The following RNLS variants were observed in gnomAD, a reference collection of about 807,000 sequenced individuals.
The protein encoded by RNLS is renalase.
Under a neutral mutation model 39.8 loss-of-function variants are expected in RNLS, and 39 were observed. The ratio of observed to expected loss-of-function variants is 0.98; its 90% CI spans 0.76 to 1.28. RNLS has a LOEUF of 1.28. Ranked by LOEUF, RNLS falls within the 50% of genes most tolerant of loss-of-function variation. The pLI, the probability that RNLS is intolerant of heterozygous loss-of-function variation, is 0.00. For missense variants in RNLS, 410 were observed against 413.3 expected (o/e 0.99, Z 0.07); for synonymous variants, 147 against 150.7 (o/e 0.98, Z 0.18).
At chr10:88,177,152 A>G in the RNLS span, among the ~76,000 whole-genome samples, 1 of 152,130 alleles carries the variant, frequency 6.6e-6, no homozygotes, top group African/African-American at 2.4e-5. Context: ...GTTTTCAGCT[A>G]TTATTTTATT....
intron 4 of RNLS, among the ~76,000 whole-genome samples, chr10:88,479,559 T>TATC (rs144311412): frequency 1.2e-3 from 189 of 151,862 alleles, no homozygotes; most frequent in African/African-American, 3.7e-3. Flanking sequence ...GAAATATCAG[T>TATC]ATCATCATCA....
the RNLS span, among the ~76,000 whole-genome samples, chr10:88,189,877 G>A: frequency 6.6e-6 from 1 of 152,194 alleles, no homozygotes; most frequent in Non-Finnish European, 1.5e-5. Flanking sequence ...TCCATTCTCT[G>A]CACCTTTACA....
intron 4 of RNLS, among the ~76,000 whole-genome samples, chr10:88,542,372 AC>A (rs2134289776): frequency 6.7e-6 from 1 of 150,256 alleles, no homozygotes; most frequent in East Asian, 1.9e-4. Flanking sequence ...CATTAAGTGC[AC>A]TTGAAAAAAT....
At chr10:88,202,228 CATA>C in the RNLS span, among the ~76,000 whole-genome samples, 6 of 141,186 alleles carry the variant, frequency 4.2e-5, no homozygotes, top group Admixed American at 8.0e-5. Flanking sequence ...TGTTCGCACT[CATA>C]GGTGGGAATT....
At chr10:88,208,229 C>G in the RNLS span, among the ~76,000 whole-genome samples, 44 of 152,168 alleles carry the variant, frequency 2.9e-4, no homozygotes, top group African/African-American at 1.0e-3. Flanking sequence ...GCCTTTAAGT[C>G]CTTCTGTCCT....
chr10:88,353,796 A>T (rs1025360374), intron 5 of RNLS, among the ~76,000 whole-genome samples: 11 of 152,114 alleles, frequency 7.2e-5, no homozygotes, highest in Non-Finnish European at 1.6e-4. Flanking sequence ...GATCTATCTG[A>T]TGTTGACAAT....
At chr10:88,358,717 A>G (rs990271526) in intron 5 of RNLS, among the ~76,000 whole-genome samples, 1 of 152,188 alleles carries the variant, frequency 6.6e-6, no homozygotes, top group Non-Finnish European at 1.5e-5. Context: ...CCCTCTGCCT[A>G]AGGAAATTTT....
At chr10:88,544,854 A>G (rs1023895288) in intron 4 of RNLS, among the ~76,000 whole-genome samples, 6 of 152,176 alleles carry the variant, frequency 3.9e-5, no homozygotes, top group African/African-American at 1.4e-4. Flanking sequence ...CATATAGCAG[A>G]TAAAGGTTTG....
chr10:88,501,977 G>C (rs953252442), intron 4 of RNLS, among the ~76,000 whole-genome samples: 4 of 151,948 alleles, frequency 2.6e-5, no homozygotes, highest in Non-Finnish European at 5.9e-5. Flanking sequence ...TGTCTCCTCT[G>C]TTAGTTTACA....
At position 88,551,535 on chromosome 10, in the gene RNLS, T is replaced by C. The variant is rs1472375942; in HGVS notation, c.526+21368A>G. The stretch of plus-strand genomic sequence containing the variant: ...CATTGGGCATATGGATTTGAATTGG[T>C]GCTCAAGTGAAAACTTCTACTGCTC... On this transcript the variant is annotated intron_variant, in intron 4 of 6. Transcript: ENST00000331772. Among the ~76,000 whole-genome samples the C allele has an allele frequency of 2.0e-5, 3 of 152,226 alleles. 1 individual carries two copies. Among genetic ancestry groups the C allele is most frequent in the South Asian group, 4.1e-4 (2 of 4,832 alleles).
intron 4 of RNLS, among the ~76,000 whole-genome samples, chr10:88,532,883 G>A (rs898689750): frequency 1.2e-4 from 18 of 151,962 alleles, no homozygotes; most frequent in African/African-American, 4.1e-4. Context: ...CTTAAGAAGG[G>A]ACTAAGGACT....
intron 4 of RNLS, among the ~76,000 whole-genome samples, chr10:88,481,828 T>C (rs1844192864): frequency 6.6e-6 from 1 of 152,180 alleles, no homozygotes; most frequent in Non-Finnish European, 1.5e-5. Context: ...TTGGTGTCAC[T>C]TACTTTTAGC....
chr10:88,458,237 G>A (rs1842747818), intron 4 of RNLS, among the ~76,000 whole-genome samples: 2 of 152,148 alleles, frequency 1.3e-5, no homozygotes, highest in African/African-American at 2.4e-5. Context: ...ACTAGGTAGT[G>A]CCACATCCAT....
At chr10:88,452,085 G>A (rs934666553) in intron 4 of RNLS, among the ~76,000 whole-genome samples, 1 of 152,210 alleles carries the variant, frequency 6.6e-6, no homozygotes, top group African/African-American at 2.4e-5. Context: ...TGGAGGTTAA[G>A]CAATACAGTA....
rs78147033 is a variant in RNLS, at chr10:88,274,691, C to T, written c.*270G>A. 3,853 of 357,106 alleles carry T rather than the reference C, an allele frequency of 0.011. 145 individuals are homozygous for T. The highest frequency in any genetic ancestry group is 0.074 in the African/African-American group (3,586 of 48,322). The allele number at this position is 357,106 out of a possible 1,614,324, so 22.1% of individuals were successfully genotyped here. The stretch of plus-strand genomic sequence containing the variant: ...TTCGTTCAAGTCCCTACTTTCACTT[C>T]TTTTGGATAGATATCCAGATGTGGA... On this transcript the variant is annotated 3_prime_UTR_variant, in exon 7 of 7. Coordinates refer to the RNLS transcript ENST00000371947.
At chr10:88,267,199 C>T in the RNLS span, among the ~76,000 whole-genome samples, 1 of 152,168 alleles carries the variant, frequency 6.6e-6, no homozygotes, top group Non-Finnish European at 1.5e-5. Context: ...TTACAAATCT[C>T]CCAGGGTGAA....
the RNLS span, among the ~76,000 whole-genome samples, chr10:88,210,650 T>C: frequency 6.6e-6 from 1 of 152,180 alleles, no homozygotes; most frequent in South Asian, 2.1e-4. Flanking sequence ...TTTTGAATCT[T>C]AAGGACTAGC....
intron 4 of RNLS, among the ~76,000 whole-genome samples, chr10:88,469,912 A>G (rs902816707): frequency 7.5e-6 from 1 of 133,274 alleles, no homozygotes; most frequent in African/African-American, 2.5e-5. Flanking sequence ...TTGAATACAT[A>G]CATACATATA....
At position 88,450,569 on chromosome 10, in the gene RNLS, T is replaced by C. The variant is rs574959365; in HGVS notation, c.527-87844A>G. ...GACTATGAATACTAGGAGATACCAA[T>C]ACATAGTGGTACAGACCACATAAAA... On this transcript the variant is annotated intron_variant, in intron 4 of 6. Transcript: ENST00000331772. 3.3e-5 allele frequency among the ~76,000 whole-genome samples: 5 copies of C among 152,308 alleles called. No individual in the cohort carries two copies. The South Asian group carries it at 1.0e-3, about 32-fold the overall frequency.
Sources: allele counts gnomAD v4.1 joint callset (sites outside exome capture counted in the v4.1 genomes callset), GRCh38; gene constraint gnomAD v4.1.1; transcripts MANE v1.5; gene names NCBI Gene and HGNC (gene_info 2026-07-23, HGNC 2026-07-21).